STARD3: variants seen among roughly 807,000 people sequenced by gnomAD.
STARD3 encodes StAR related lipid transfer domain containing 3.
STARD3 carries 39 observed loss-of-function variants against 62.0 expected under a neutral mutation model. The ratio of observed to expected loss-of-function variants is 0.63; its 90% CI spans 0.49 to 0.82. The LOEUF (loss-of-function observed/expected upper bound fraction) is 0.82, where lower values mean the gene tolerates loss of function less well. Among genes scored for constraint, STARD3 ranks in the 40% least tolerant of loss-of-function variants. The probability of loss-of-function intolerance (pLI) is 0.00; values close to 1 mark genes in which losing one functional copy is unlikely to be tolerated. For synonymous variants in STARD3, 229 were observed against 242.4 expected, an observed-to-expected ratio of 0.94 and a Z score of 0.51; for missense variants, 543 against 584.5, an observed-to-expected ratio of 0.93 and a Z score of 0.73.
intron 6 of STARD3, 88 bp from the exon 7 acceptor site, chr17:39,658,634 C>T: frequency 6.3e-7 from 1 of 1,575,940 alleles, no homozygotes; most frequent in Non-Finnish European, 8.7e-7. Flanking sequence ...GAGCAGCCTC[C>T]AGTAGCCTGA....
intron 13 of STARD3, 117 bp downstream of exon 13, chr17:39,661,202 C>A (rs77181654): frequency 1.2e-6 from 1 of 867,486 alleles, no homozygotes; most frequent in Middle Eastern, 3.4e-4. Context: ...CGTTCCTGTT[C>A]CCTGTCCCGC....
At chr17:39,638,520 A>G (rs1309504998) in intron 1 of STARD3, among the ~76,000 whole-genome samples, 1 of 152,102 alleles carries the variant, frequency 6.6e-6, no homozygotes, top group Non-Finnish European at 1.5e-5. Flanking sequence ...CGCTGCTTGG[A>G]AACCTCCTCC....
chr17:39,659,767 T>TGCC, intron 9 of STARD3: 1 of 533,464 alleles, frequency 1.9e-6, no homozygotes, highest in Non-Finnish European at 3.3e-6. Flanking sequence ...CCCCCATGTT[T>TGCC]ACTTCCCTGC....
At chr17:39,643,962 C>A (rs1417675730) in intron 1 of STARD3, among the ~76,000 whole-genome samples, 4 of 152,220 alleles carry the variant, frequency 2.6e-5, no homozygotes, top group Admixed American at 2.0e-4. Flanking sequence ...AAGTGACCAG[C>A]AAGGTGGAAA....
chr17:39,661,443 T>A, intron 13 of STARD3: 2 of 255,658 alleles, frequency 7.8e-6, no homozygotes, highest in Non-Finnish European at 7.6e-6. Context: ...GGGTTTCATC[T>A]TCCTGCCTAA....
chr17:39,659,911 C>G lies in STARD3; in HGVS notation c.796-300C>G. On this transcript the variant is annotated intron_variant, in intron 9 of 14. Coordinates refer to ENST00000336308, the MANE Select transcript of STARD3 (RefSeq NM_006804.4). The stretch of plus-strand genomic sequence containing the variant: ...GCTTGGAAAACAGAGAGCAACATGC[C>G]CCAGTCCCTCTCTCTGGCCAGTTCT... 1.7e-5 allele frequency: 9 copies of G among 540,836 alleles called. No homozygotes were observed. In the South Asian group the frequency reaches 2.0e-4, roughly 12 times the overall value. The allele number at this position is 540,836 out of a possible 1,614,324, so 33.5% of individuals were successfully genotyped here.
intron 1 of STARD3, among the ~76,000 whole-genome samples, chr17:39,645,990 C>CA (rs749709376): frequency 4.3e-4 from 59 of 135,668 alleles, no homozygotes; most frequent in Middle Eastern, 8.8e-3. Context: ...CCCTCAGGTT[C>CA]AATCAATCCT....
In STARD3 at chr17:39,660,818, G is replaced by A; in HGVS notation, c.963G>A (p.Gln321=). 5.0e-6 allele frequency: 8 copies of A among 1,585,210 alleles called. No homozygotes were observed. The highest frequency in any genetic ancestry group is 6.9e-6 in the Non-Finnish European group (8 of 1,165,248). ...CCGTTGACGGCCCTCAGATCCTGCA[G>A]CGAGTGGAAGACAACACCCTCATCT... ...NKTVTACQIL[Q]RVEDNTLISY... Residue 321 remains glutamine (Q), a synonymous_variant, in exon 12 of 15, where the codon CAG becomes CAA. Transcript: ENST00000336308. The surrounding 1 kb of genome is among the most constrained non-coding windows in gnomAD (Gnocchi z 4.8).
rs2057163368 is a variant in STARD3, at chr17:39,658,952, T to C, written c.647-99T>C. The C allele has an allele frequency of 6.4e-6, 10 of 1,568,690 alleles. No individual in the cohort carries two copies. In the South Asian group the frequency reaches 7.9e-5, roughly 12 times the overall value. ...GCCAGCAACCCTCTCCCACACACTTTTATCCCCCACATCCTTGCACTCACA... is the reference window on the plus strand; with the variant it reads ...GCCAGCAACCCTCTCCCACACACTTCTATCCCCCACATCCTTGCACTCACA... On this transcript the variant is annotated intron_variant, in intron 7 of 14. Coordinates refer to ENST00000336308, the MANE Select transcript of STARD3 (RefSeq NM_006804.4).
At chr17:39,658,048 C>T (rs1291175807) in intron 5 of STARD3, 22 bp downstream of exon 5, 9 of 1,553,356 alleles carry the variant, frequency 5.8e-6, no homozygotes, top group Non-Finnish European at 7.0e-6. Context: ...AGGGTCTGGC[C>T]AGTCTGGTGG....
chr17:39,647,462 C>T (rs2057037244), intron 1 of STARD3, among the ~76,000 whole-genome samples: 1 of 152,182 alleles, frequency 6.6e-6, no homozygotes, highest in Non-Finnish European at 1.5e-5. Flanking sequence ...TTGTCCATTC[C>T]TGCCTCCCCC....
chr17:39,656,752 C>T (rs2057134201), intron 2 of STARD3: 2 of 492,624 alleles, frequency 4.1e-6, no homozygotes, highest in African/African-American at 3.9e-5. Flanking sequence ...CCTGCCCCTT[C>T]CTGGGCAGGG....
At position 39,660,315 on chromosome 17, in the gene STARD3, A is replaced by T; in HGVS notation, c.858+42A>T. 6.2e-7 allele frequency: 1 copy of T among 1,613,042 alleles called. No individual in the cohort carries two copies. The highest frequency in any genetic ancestry group is 8.5e-7 in the Non-Finnish European group (1 of 1,179,302). Reference sequence around the variant, plus strand: ...GGTGTCCTGGAGCCCCAGACAGCACAGGAGGCTCCAGGAAGGTGCCGAGGG... The same window carrying T: ...GGTGTCCTGGAGCCCCAGACAGCACTGGAGGCTCCAGGAAGGTGCCGAGGG... On this transcript the variant is annotated intron_variant, in intron 10 of 14. Coordinates refer to ENST00000336308, the MANE Select transcript of STARD3 (RefSeq NM_006804.4). This position sits in a 1 kb window ranked among gnomAD's most constrained non-coding sequence, Gnocchi z 4.8.
intron 1 of STARD3, 67 bp downstream of exon 1, chr17:39,637,298 C>T (rs2056938895): frequency 6.6e-6 from 1 of 152,326 alleles, no homozygotes; most frequent in Non-Finnish European, 1.5e-5. Flanking sequence ...GTCGAACCCG[C>T]TTCGCCGCCC....
intron 8 of STARD3, 105 bp from the exon 9 acceptor site, chr17:39,659,356 G>A (rs949335969): frequency 8.3e-7 from 1 of 1,205,036 alleles, no homozygotes; most frequent in South Asian, 1.3e-5. Context: ...GGCTGGGCCA[G>A]GCCCCTCTGG....
rs71369783 is a variant in STARD3 at position 39,654,165 on chromosome 17, C to T, written c.219+415C>T. 7.6e-3 allele frequency among the ~76,000 whole-genome samples: 910 copies of T among 120,120 alleles called. 11 individuals carry two copies. Among genetic ancestry groups the T allele is most frequent in the African/African-American group, 0.022 (871 of 39,580 alleles). 78.8% of individuals were successfully genotyped at this position (120,120 alleles called of 152,430 possible). A position where few individuals can be genotyped will look rare whatever the true frequency, so the allele number is the denominator to read the frequency against. On this transcript the variant is annotated intron_variant, in intron 2 of 14. Coordinates refer to ENST00000336308, the MANE Select transcript of STARD3 (RefSeq NM_006804.4). Reference sequence around the variant, plus strand: ...CAGTTGGTTCATTCATTCGTTTGTTCGATCATTCATTCATTCATTCATTCA... The same window carrying T: ...CAGTTGGTTCATTCATTCGTTTGTTTGATCATTCATTCATTCATTCATTCA...
chr17:39,659,236 GTC>G, intron 8 of STARD3, 130 bp downstream of exon 8: 1 of 1,232,826 alleles, frequency 8.1e-7, no homozygotes, highest in Non-Finnish European at 1.2e-6. Context: ...CCATCCGAGT[GTC>G]TCCCCCACCA....
chr17:39,641,038 G>A (rs954209362), intron 1 of STARD3, among the ~76,000 whole-genome samples: 6 of 152,202 alleles, frequency 3.9e-5, no homozygotes, highest in Admixed American at 3.3e-4. Context: ...ACCATCCCGA[G>A]GCTGATGGCA....
rs549091734 is a variant in STARD3 at position 39,659,787 on chromosome 17, C to T, written c.795+234C>T. 398 of 519,214 alleles carry T rather than the reference C, an allele frequency of 7.7e-4. 5 individuals are homozygous for T. In the South Asian group the frequency reaches 8.5e-3, roughly 11 times the overall value. 32.2% of individuals were successfully genotyped at this position (519,214 alleles called of 1,614,324 possible). A position where few individuals can be genotyped will look rare whatever the true frequency, so the allele number is the denominator to read the frequency against. ...ATGTTTACTTCCCTGCTGTTCTGCCCCCTTGGCTCCAGGCTTTGAAGGGGA... is the reference window on the plus strand; with the variant it reads ...ATGTTTACTTCCCTGCTGTTCTGCCTCCTTGGCTCCAGGCTTTGAAGGGGA... On this transcript the variant is annotated intron_variant, in intron 9 of 14. Transcript: ENST00000336308.
Sources: gnomAD v4.1 joint callset for allele counts (sites outside exome capture counted in the v4.1 genomes callset) on GRCh38, gnomAD v4.1.1 for gene constraint, Gnocchi (gnomAD v3.1) non-coding constraint, MANE v1.5 for transcripts, NCBI Gene and HGNC (gene_info 2026-07-23, HGNC 2026-07-21) for gene names.